The following CPEB1 variants were observed in gnomAD, a reference collection of about 807,000 sequenced individuals.
The protein encoded by CPEB1 is cytoplasmic polyadenylation element binding protein 1, also known as cytoplasmic polyadenylation element-binding protein 1.
CPEB1 carries 7 observed loss-of-function variants against 65.8 expected under a neutral mutation model. That is an observed-to-expected ratio of 0.11 (90% CI 0.06 to 0.20). The LOEUF (loss-of-function observed/expected upper bound fraction) is 0.20. CPEB1 is among the 10% of genes least tolerant of loss of function. The probability of loss-of-function intolerance (pLI) is 1.00; values close to 1 mark genes in which losing one functional copy is unlikely to be tolerated. For missense variants in CPEB1, 551 were observed against 712.2 expected (o/e 0.77, Z 2.58); for synonymous variants, 262 against 260.0 (o/e 1.01, Z -0.08).
chr15:82,553,234 A>G (rs1199298000), intron 8 of CPEB1, among the ~76,000 whole-genome samples: 1 of 152,178 alleles, frequency 6.6e-6, no homozygotes, highest in African/African-American at 2.4e-5. Context: ...GGGGTTTCAG[A>G]GGCAACTCCC....
At chr15:82,567,848 A>AT (rs1335098968) in intron 4 of CPEB1, among the ~76,000 whole-genome samples, 2 of 152,140 alleles carry the variant, frequency 1.3e-5, no homozygotes, top group Admixed American at 6.5e-5. Context: ...CTTCTGCTGC[A>AT]TAATGCTGCA....
At chr15:82,568,374 A>G (rs894736824) in intron 4 of CPEB1, among the ~76,000 whole-genome samples, 1 of 152,150 alleles carries the variant, frequency 6.6e-6, no homozygotes, top group African/African-American at 2.4e-5. Flanking sequence ...AGCCCTGGAC[A>G]TGAGAAAGGG....
At chr15:82,626,261 C>T (rs2045763641) in intron 3 of CPEB1, among the ~76,000 whole-genome samples, 1 of 151,418 alleles carries the variant, frequency 6.6e-6, no homozygotes, top group Non-Finnish European at 1.5e-5. Context: ...TGGTGAAACC[C>T]CATCTCTACT....
At chr15:82,624,836 T>G (rs1410819830) in intron 3 of CPEB1, among the ~76,000 whole-genome samples, 2 of 150,022 alleles carry the variant, frequency 1.3e-5, no homozygotes, top group African/African-American at 4.9e-5. Context: ...TGTCATACTT[T>G]TTTTTTTTTT....
chr15:82,619,287 A>C (rs965035748), intron 3 of CPEB1, among the ~76,000 whole-genome samples: 2 of 152,252 alleles, frequency 1.3e-5, no homozygotes, highest in African/African-American at 4.8e-5. Flanking sequence ...TACCATGTAC[A>C]AAACAAAATT....
intron 3 of CPEB1, among the ~76,000 whole-genome samples, chr15:82,623,541 T>C (rs2045498131): frequency 6.6e-6 from 1 of 152,106 alleles, no homozygotes; most frequent in Non-Finnish European, 1.5e-5. Flanking sequence ...CCAGGCGTGG[T>C]GGGGCATACC....
At chr15:82,596,697 CAAAAAAAA>C (rs59895391) in intron 3 of CPEB1, among the ~76,000 whole-genome samples, 2 of 89,088 alleles carry the variant, frequency 2.2e-5, no homozygotes, top group Middle Eastern at 6.0e-3. Flanking sequence ...GACTCTGTCT[CAAAAAAAA>C]AAAAAAAAAA....
intron 9 of CPEB1, among the ~76,000 whole-genome samples, chr15:82,551,481 G>C (rs1367059596): frequency 6.6e-6 from 1 of 151,952 alleles, no homozygotes. Flanking sequence ...TATGGGTTTG[G>C]ACCAAAGTAT....
At chr15:82,588,735 T>C (rs2041997372) in intron 3 of CPEB1, among the ~76,000 whole-genome samples, 1 of 152,220 alleles carries the variant, frequency 6.6e-6, no homozygotes, top group Non-Finnish European at 1.5e-5. Context: ...TTGGTCAAAA[T>C]TGACCCAAGA....
intron 3 of CPEB1, among the ~76,000 whole-genome samples, chr15:82,609,981 A>T (rs766352110): frequency 1.5e-4 from 23 of 150,044 alleles, no homozygotes; most frequent in Non-Finnish European, 3.1e-4. Flanking sequence ...AATCGCTTGA[A>T]CCTGGGAGGT....
intron 1 of CPEB1, among the ~76,000 whole-genome samples, chr15:82,646,737 G>A (rs984426050): frequency 1.6e-4 from 24 of 152,346 alleles, no homozygotes; most frequent in African/African-American, 5.3e-4. Flanking sequence ...AGGCAGCAAA[G>A]CCTCGGTCGA....
chr15:82,546,549 A>G (rs772683664), intron 11 of CPEB1, 28 bp from the exon 12 acceptor site: 15 of 1,577,662 alleles, frequency 9.5e-6, no homozygotes, highest in Non-Finnish European at 1.3e-5. Context: ...AAGATGATGA[A>G]GTGGCTCTTC....
intron 3 of CPEB1, among the ~76,000 whole-genome samples, chr15:82,616,793 C>T (rs951593584): frequency 6.6e-6 from 1 of 152,094 alleles, no homozygotes; most frequent in African/African-American, 2.4e-5. Context: ...CCTATAAAAG[C>T]AAATATATGC....
chr15:82,645,600 G>A (rs1010805720), intron 1 of CPEB1, among the ~76,000 whole-genome samples: 1 of 152,074 alleles, frequency 6.6e-6, no homozygotes, highest in Non-Finnish European at 1.5e-5. Context: ...CCAGGCAAGG[G>A]GGCTCACGCC....
intron 3 of CPEB1, among the ~76,000 whole-genome samples, chr15:82,613,491 G>A (rs1307726228): frequency 1.3e-5 from 2 of 151,922 alleles, no homozygotes; most frequent in South Asian, 2.1e-4. Flanking sequence ...GAGCTCAAGC[G>A]ATCCTCCCAC....
At chr15:82,594,652 A>G (rs2042536940) in intron 3 of CPEB1, among the ~76,000 whole-genome samples, 1 of 152,156 alleles carries the variant, frequency 6.6e-6, no homozygotes, top group East Asian at 1.9e-4. Context: ...CCTTGCATTC[A>G]CAGCTTGACT....
At chr15:82,579,490 A>G (rs895594792) in intron 3 of CPEB1, among the ~76,000 whole-genome samples, 9 of 125,988 alleles carry the variant, frequency 7.1e-5, no homozygotes, top group African/African-American at 2.4e-4. Flanking sequence ...ATCAAGATTT[A>G]TAACATTTAG....
chr15:82,577,094 A>G (rs1380340993), intron 3 of CPEB1, among the ~76,000 whole-genome samples: 1 of 152,260 alleles, frequency 6.6e-6, no homozygotes, highest in Non-Finnish European at 1.5e-5. Context: ...TTAAATCTAT[A>G]GGCCCATGGC....
At chr15:82,646,153 A>G (rs1843573275) in intron 1 of CPEB1, among the ~76,000 whole-genome samples, 1 of 152,150 alleles carries the variant, frequency 6.6e-6, no homozygotes, top group South Asian at 2.1e-4. Flanking sequence ...TTAACCCAGC[A>G]TGTGTCCCTA....
Sources: allele counts gnomAD v4.1 joint callset (sites outside exome capture counted in the v4.1 genomes callset), GRCh38; gene constraint gnomAD v4.1.1; transcripts MANE v1.5; gene names NCBI Gene and HGNC (gene_info 2026-07-23, HGNC 2026-07-21).